PHACTR1: variants seen among roughly 807,000 people sequenced by gnomAD.
PHACTR1 encodes the protein phosphatase and actin regulator 1, also known as RPEL repeat containing 1.
Under a neutral mutation model 69.2 loss-of-function variants are expected in PHACTR1, and 16 were observed. The ratio of observed to expected loss-of-function variants is 0.23; its 90% CI spans 0.16 to 0.35. The LOEUF (loss-of-function observed/expected upper bound fraction) is 0.35. Ranked by LOEUF, PHACTR1 falls within the 10% of genes least tolerant of loss-of-function variation. The pLI is 1.00. For synonymous variants in PHACTR1, 312 were observed against 284.5 expected, an observed-to-expected ratio of 1.10 and a Z score of -0.97; for missense variants, 510 against 734.7, an observed-to-expected ratio of 0.69 and a Z score of 3.54.
At chr6:13,019,019 T>C (rs1261077776) in intron 4 of PHACTR1, among the ~76,000 whole-genome samples, 1 of 151,228 alleles carries the variant, frequency 6.6e-6, no homozygotes. Context: ...AATTTGTGTA[T>C]ATATATACAT....
At chr6:12,815,688 G>T (rs1262339895) in intron 4 of PHACTR1, among the ~76,000 whole-genome samples, 2 of 152,152 alleles carry the variant, frequency 1.3e-5, no homozygotes, top group East Asian at 3.9e-4. Context: ...TGGAAAAAGC[G>T]GTAAAGGGTG....
At chr6:12,905,951 C>T (rs1785683487) in intron 4 of PHACTR1, among the ~76,000 whole-genome samples, 1 of 152,126 alleles carries the variant, frequency 6.6e-6, no homozygotes, top group South Asian at 2.1e-4. Flanking sequence ...TTGCTTCTAA[C>T]TATTTTAAAG....
chr6:12,861,008 T>C (rs1780885645), intron 4 of PHACTR1, among the ~76,000 whole-genome samples: 1 of 152,224 alleles, frequency 6.6e-6, no homozygotes, highest in Non-Finnish European at 1.5e-5. Flanking sequence ...ATGTGGTCCA[T>C]AGACAGTGCC....
At chr6:13,257,162 C>G in intron 10 of PHACTR1, among the ~76,000 whole-genome samples, 1 of 152,190 alleles carries the variant, frequency 6.6e-6, no homozygotes, top group Middle Eastern at 3.4e-3. Flanking sequence ...AGTGAGGCAT[C>G]TGACATGGCA....
At chr6:12,949,988 T>G (rs140289546) in intron 4 of PHACTR1, among the ~76,000 whole-genome samples, 42 of 152,354 alleles carry the variant, frequency 2.8e-4, no homozygotes, top group African/African-American at 1.0e-3. Context: ...CTTAGGATTT[T>G]TATTAAGTAG....
intron 4 of PHACTR1, among the ~76,000 whole-genome samples, chr6:12,948,158 A>G (rs1790881710): frequency 6.6e-6 from 1 of 152,220 alleles, no homozygotes; most frequent in African/African-American, 2.4e-5. Context: ...GTTCTAGGGT[A>G]ATCTGGCCAG....
intron 4 of PHACTR1, among the ~76,000 whole-genome samples, chr6:12,920,170 A>G (rs1787481800): frequency 6.6e-6 from 1 of 152,240 alleles, no homozygotes; most frequent in Non-Finnish European, 1.5e-5. Flanking sequence ...AAAGTTTCCA[A>G]ATAAACTTAA....
At chr6:13,141,248 C>A (rs1822389627) in intron 5 of PHACTR1, among the ~76,000 whole-genome samples, 1 of 152,286 alleles carries the variant, frequency 6.6e-6, no homozygotes, top group East Asian at 1.9e-4. Flanking sequence ...TTCTAAATTG[C>A]TGCCTTGGCT....
At chr6:12,773,475 G>A (rs1010154659) in intron 4 of PHACTR1, among the ~76,000 whole-genome samples, 3 of 152,030 alleles carry the variant, frequency 2.0e-5, no homozygotes, top group African/African-American at 4.8e-5. Context: ...ACAATGTATC[G>A]CTTCCCTGAA....
rs748183534 is a variant in PHACTR1 at position 12,718,863 on chromosome 6, A to T, written c.103+16A>T. Reference sequence around the variant, plus strand: ...GGAGCTCAAGGTAATAAAATAAGAAAAAGAAATTCCTCTTATTTGCACGTC... The same window carrying T: ...GGAGCTCAAGGTAATAAAATAAGAATAAGAAATTCCTCTTATTTGCACGTC... On this transcript the variant is annotated intron_variant, in intron 3 of 14. Transcript: ENST00000332995. 1.8e-5 allele frequency: 26 copies of T among 1,477,906 alleles called. No homozygotes were observed. Among genetic ancestry groups the T allele is most frequent in the Non-Finnish European group, 2.2e-5 (24 of 1,086,542 alleles). 91.5% of individuals were successfully genotyped at this position (1,477,906 alleles called of 1,614,324 possible).
Position 12,744,013 on chromosome 6 carries a change from C to T in PHACTR1, c.104-5631C>T, listed in dbSNP as rs551247044. ...CAGGATTAAGAAACTCACTCAAAAC[C>T]GCTCAACTACATGGAAACTGAACAA... On this transcript the variant is annotated intron_variant, in intron 3 of 14. Transcript: ENST00000332995. 6.7e-4 allele frequency among the ~76,000 whole-genome samples: 102 copies of T among 152,232 alleles called. 1 individual carries two copies. The highest frequency in any genetic ancestry group is 2.2e-3 in the African/African-American group (91 of 41,554).
At chr6:12,858,377 G>C (rs1391135355) in intron 4 of PHACTR1, among the ~76,000 whole-genome samples, 1 of 152,124 alleles carries the variant, frequency 6.6e-6, no homozygotes, top group Admixed American at 6.5e-5. Flanking sequence ...ATATATAACT[G>C]TCCAGTGCCC....
At chr6:13,209,875 A>G (rs1395320187) in intron 8 of PHACTR1, among the ~76,000 whole-genome samples, 1 of 152,222 alleles carries the variant, frequency 6.6e-6, no homozygotes, top group Non-Finnish European at 1.5e-5. Context: ...TTCCTGTAAA[A>G]GGCTTTTAAA....
intron 4 of PHACTR1, among the ~76,000 whole-genome samples, chr6:12,837,967 A>C (rs1376689158): frequency 2.0e-5 from 3 of 152,202 alleles, no homozygotes; most frequent in Non-Finnish European, 4.4e-5. Context: ...TGAAGGCCCA[A>C]CTGGGGAAGG....
At chr6:13,230,303 G>C in intron 10 of PHACTR1, 110 bp downstream of exon 10, 1 of 1,530,536 alleles carries the variant, frequency 6.5e-7, no homozygotes, top group East Asian at 2.5e-5. Context: ...TGTAATCCCA[G>C]CACTTTGGGA....
At chr6:12,837,479 C>T (rs1364599724) in intron 4 of PHACTR1, among the ~76,000 whole-genome samples, 3 of 152,112 alleles carry the variant, frequency 2.0e-5, no homozygotes, top group African/African-American at 4.8e-5. Context: ...ATTGTCTCAT[C>T]AGTCCTATTA....
chr6:12,765,420 C>T (rs1019609042), intron 4 of PHACTR1, among the ~76,000 whole-genome samples: 2 of 152,208 alleles, frequency 1.3e-5, no homozygotes, highest in Non-Finnish European at 2.9e-5. Flanking sequence ...AGGGCATGGC[C>T]TGTAATAGAT....
intron 5 of PHACTR1, among the ~76,000 whole-genome samples, chr6:13,149,321 G>GTA (rs1823944315): frequency 6.6e-6 from 1 of 152,190 alleles, no homozygotes; most frequent in Admixed American, 6.5e-5. Context: ...TCTTCTCAGG[G>GTA]CCTTCAGTGT....
At chr6:12,741,536 A>G (rs75798966) in intron 3 of PHACTR1, among the ~76,000 whole-genome samples, 1 of 152,226 alleles carries the variant, frequency 6.6e-6, no homozygotes, top group East Asian at 1.9e-4. Context: ...TTTCCCCACT[A>G]TCTTGTAGTG....
Sources: allele counts gnomAD v4.1 joint callset (sites outside exome capture counted in the v4.1 genomes callset), GRCh38; gene constraint gnomAD v4.1.1; transcripts MANE v1.5; gene names NCBI Gene and HGNC (gene_info 2026-07-23, HGNC 2026-07-21).